ILDR1: variants seen among roughly 807,000 people sequenced by gnomAD.
ILDR1 encodes the protein immunoglobulin-like domain-containing receptor 1.
Under a neutral mutation model 62.4 loss-of-function variants are expected in ILDR1, and 56 were observed. The ratio of observed to expected loss-of-function variants is 0.90; its 90% CI spans 0.72 to 1.12. The LOEUF is 1.12. Ranked by LOEUF, ILDR1 falls within the 50% of genes most tolerant of loss-of-function variation. The probability of loss-of-function intolerance (pLI) is 0.00; values close to 1 mark genes in which losing one functional copy is unlikely to be tolerated. For missense variants in ILDR1, 736 were observed against 710.6 expected (o/e 1.04, Z -0.41); for synonymous variants, 284 against 277.8 (o/e 1.02, Z -0.22).
upstream of ILDR1, among the ~76,000 whole-genome samples, chr3:122,023,309 C>T (rs753434085): frequency 1.8e-4 from 28 of 152,134 alleles, no homozygotes; most frequent in South Asian, 4.1e-4. Flanking sequence ...TTTGCAAAGA[C>T]TTTAGGTCTC....
intron 5 of ILDR1, among the ~76,000 whole-genome samples, chr3:121,998,574 A>G (rs1312752586): frequency 6.6e-6 from 1 of 152,124 alleles, no homozygotes; most frequent in Non-Finnish European, 1.5e-5. Flanking sequence ...ACCTCCATTT[A>G]TTAGTTTACT....
intron 1 of ILDR1, among the ~76,000 whole-genome samples, chr3:122,016,617 C>A (rs1166051586): frequency 6.6e-6 from 1 of 152,202 alleles, no homozygotes; most frequent in Non-Finnish European, 1.5e-5. Flanking sequence ...TCTGGGGGGA[C>A]AAGGCTTCCC....
the ILDR1 span, among the ~76,000 whole-genome samples, chr3:122,058,843 GA>G: frequency 3.9e-5 from 6 of 152,168 alleles, no homozygotes; most frequent in Non-Finnish European, 8.8e-5. Context: ...AAGCCAAGGA[GA>G]AATGGCGAGG....
At chr3:122,043,074 T>C in the ILDR1 span, among the ~76,000 whole-genome samples, 1 of 141,852 alleles carries the variant, frequency 7.0e-6, no homozygotes, top group Non-Finnish European at 1.5e-5. Flanking sequence ...CTTTAATCCA[T>C]CTTGAATTGA....
the ILDR1 span, among the ~76,000 whole-genome samples, chr3:122,059,569 G>T: frequency 1.3e-5 from 2 of 152,000 alleles, no homozygotes; most frequent in Non-Finnish European, 2.9e-5. Context: ...ATCAAGTGGG[G>T]AGATGGATGC....
chr3:121,993,387 C>T lies in ILDR1; in HGVS notation c.1362G>A (p.Glu454=), dbSNP rs1187646680. ...QERPRRPSPR[E]STQRHGRRRR... is the part of the protein sequence containing the mutation. ...GTCGTCTCCCGTGCCTCTGAGTGCT[C>T]TCCCGGGGGCTGGGCCTGCGGGGCC... Residue 454 remains glutamate, a synonymous_variant, in exon 7 of 8, where the codon GAG becomes GAA. Transcript: ENST00000344209. The T allele has an allele frequency of 1.2e-6, 2 of 1,612,540 alleles. No homozygotes were observed. The highest frequency in any genetic ancestry group is 1.7e-5 in the Admixed American group (1 of 59,980).
intron 3 of ILDR1, among the ~76,000 whole-genome samples, chr3:122,002,903 A>G (rs1483307756): frequency 2.0e-5 from 3 of 152,222 alleles, no homozygotes; most frequent in Non-Finnish European, 4.4e-5. Flanking sequence ...AACTTTTGCA[A>G]TCTATCCATC....
At chr3:122,029,670 G>A in the ILDR1 span, among the ~76,000 whole-genome samples, 1 of 151,744 alleles carries the variant, frequency 6.6e-6, no homozygotes, top group Non-Finnish European at 1.5e-5. Flanking sequence ...CACTAGACAT[G>A]CAAAATCATT....
At chr3:122,000,447 A>G (rs2071505153) in intron 5 of ILDR1, among the ~76,000 whole-genome samples, 1 of 152,204 alleles carries the variant, frequency 6.6e-6, no homozygotes, top group African/African-American at 2.4e-5. Flanking sequence ...AGGTCCTGGG[A>G]GGGTGGCACA....
At chr3:122,030,286 G>T in the ILDR1 span, among the ~76,000 whole-genome samples, 5 of 151,926 alleles carry the variant, frequency 3.3e-5, no homozygotes, top group South Asian at 4.2e-4. Flanking sequence ...TAGCAACAAA[G>T]GTAGAGTGTC....
Position 121,993,899 on chromosome 3 carries a change from C to T in ILDR1, c.850G>A (p.Gly284Ser), listed in dbSNP as rs757776824. 8 of 1,613,776 alleles carry T rather than the reference C, an allele frequency of 5.0e-6. No individual in the cohort carries two copies. The South Asian group carries it at 7.7e-5, about 16-fold the overall frequency. Residue 284 changes from glycine to serine, a missense_variant, in exon 7 of 8, where the codon GGT becomes AGT. Physicochemically the swap from Gly to Ser is moderately conservative, Grantham distance 56 (BLOSUM62 0). Transcript: ENST00000344209. ...QTTNQPPIAN[G>S]VLEYLEKELR... ...TCTTTCTCCAAATACTCCAGGACAC[C>T]ATTGGCGATGGGAGGCTGATTGGTG...
At chr3:121,997,024 C>T (rs1180265969) in intron 5 of ILDR1, among the ~76,000 whole-genome samples, 5 of 152,168 alleles carry the variant, frequency 3.3e-5, no homozygotes, top group Admixed American at 6.6e-5. Flanking sequence ...TCTCAGCCTC[C>T]CGAGTAGCTG....
chr3:122,014,450 CA>C (rs143068476), intron 1 of ILDR1, among the ~76,000 whole-genome samples: 1,625 of 152,162 alleles, frequency 0.011, 25 homozygotes, highest in African/African-American at 0.037. Context: ...TTAGTAACTG[CA>C]TGAACATTTC....
rs2071372977 is a variant in ILDR1, at chr3:121,993,046, C to T, written c.1599+104G>A. 7.3e-6 allele frequency: 7 copies of T among 960,664 alleles called. No individual in the cohort carries two copies. The East Asian group carries it at 1.8e-4, about 25-fold the overall frequency. The allele number at this position is 960,664 out of a possible 1,614,324, so 59.5% of individuals were successfully genotyped here. A position where few individuals can be genotyped will look rare whatever the true frequency, so the allele number is the denominator to read the frequency against. On this transcript the variant is annotated intron_variant, in intron 7 of 7. Coordinates refer to ENST00000344209, the MANE Select transcript of ILDR1 (RefSeq NM_001199799.2). ...TTTGGGCAAAACAGGGAGGAGGCAC[C>T]CTCTGTGGTGGAATGAGAGGCAGCC...
At position 121,987,437 on chromosome 3, in the gene ILDR1, A is replaced by T. The variant is rs1053961726; in HGVS notation, c.*930T>A. 1 of 152,136 alleles carries T rather than the reference A, an allele frequency of 6.6e-6. No homozygotes were observed. Among genetic ancestry groups the T allele is most frequent in the African/African-American group, 2.4e-5 (1 of 41,412 alleles). 9.4% of individuals were successfully genotyped at this position (152,136 alleles called of 1,614,324 possible). On this transcript the variant is annotated 3_prime_UTR_variant, in exon 8 of 8. Coordinates refer to ENST00000344209, the MANE Select transcript of ILDR1 (RefSeq NM_001199799.2). ...GATTTAAAGTGACTTCAATCAATAC[A>T]CAATATATATGAAAATATAAATTAG...
the ILDR1 span, among the ~76,000 whole-genome samples, chr3:122,039,944 A>G: frequency 6.6e-6 from 1 of 152,036 alleles, no homozygotes; most frequent in Admixed American, 6.6e-5. Context: ...ATTACTTCAG[A>G]ATGTAAATAG....
At chr3:122,005,668 C>T (rs937961887) in intron 2 of ILDR1, among the ~76,000 whole-genome samples, 1 of 152,162 alleles carries the variant, frequency 6.6e-6, no homozygotes, top group East Asian at 1.9e-4. Flanking sequence ...GGCTCTACTC[C>T]CCATCTCCTA....
chr3:122,031,152 G>A, the ILDR1 span, among the ~76,000 whole-genome samples: 1 of 152,178 alleles, frequency 6.6e-6, no homozygotes, highest in East Asian at 1.9e-4. Context: ...AGATGGGAAT[G>A]AATCTCCGGA....
chr3:122,023,386 C>T (rs1384748911), upstream of ILDR1, among the ~76,000 whole-genome samples: 3 of 152,112 alleles, frequency 2.0e-5, no homozygotes, highest in Non-Finnish European at 4.4e-5. Context: ...CACCAGCCAT[C>T]ACATTTTTCT....
Sources: allele counts gnomAD v4.1 joint callset (sites outside exome capture counted in the v4.1 genomes callset), GRCh38; gene constraint gnomAD v4.1.1; transcripts MANE v1.5; gene names NCBI Gene and HGNC (gene_info 2026-07-23, HGNC 2026-07-21).